Variants in SERPINB10 observed in about 807,000 individuals in gnomAD.
The protein encoded by SERPINB10 is serpin B10.
SERPINB10 carries 35 observed loss-of-function variants against 39.1 expected under a neutral mutation model. That is an observed-to-expected ratio of 0.90 (90% CI 0.68 to 1.19). The LOEUF (loss-of-function observed/expected upper bound fraction) is 1.19. Among genes scored for constraint, SERPINB10 ranks in the 50% most tolerant of loss-of-function variants. The pLI, the probability that SERPINB10 is intolerant of heterozygous loss-of-function variation, is 0.00. For synonymous variants in SERPINB10, 190 were observed against 158.1 expected (o/e 1.20, Z -1.52); for missense variants, 546 against 460.5 (o/e 1.19, Z -1.70).
At chr18:63,925,684 T>C (rs1465181745) in intron 5 of SERPINB10, among the ~76,000 whole-genome samples, 5 of 152,018 alleles carry the variant, frequency 3.3e-5, no homozygotes, top group African/African-American at 1.2e-4. Context: ...GGAAGGCTCT[T>C]TCTCACAGTA....
intron 6 of SERPINB10, 103 bp from the exon 7 acceptor site, chr18:63,932,945 G>A: frequency 1.9e-6 from 2 of 1,076,764 alleles, no homozygotes; most frequent in Non-Finnish European, 2.7e-6. Context: ...AGAATCAGCA[G>A]TTTCACCAAC....
At chr18:63,927,459 A>G (rs1179757018) in intron 5 of SERPINB10, among the ~76,000 whole-genome samples, 2 of 152,082 alleles carry the variant, frequency 1.3e-5, no homozygotes, top group African/African-American at 4.8e-5. Flanking sequence ...GAAGTCCGCA[A>G]TCAAGGTGCC....
intron 5 of SERPINB10, among the ~76,000 whole-genome samples, chr18:63,922,580 G>T (rs929875384): frequency 6.6e-6 from 1 of 151,858 alleles, no homozygotes; most frequent in South Asian, 2.1e-4. Context: ...TGCTAGCTTT[G>T]CATCCTAGCA....
chr18:63,908,634 T>C (rs1251569917), intron 1 of SERPINB10, among the ~76,000 whole-genome samples: 1 of 152,030 alleles, frequency 6.6e-6, no homozygotes, highest in Non-Finnish European at 1.5e-5. Context: ...CCCCACATCA[T>C]ACTAGGTGCT....
Position 63,929,987 on chromosome 18 carries a change from T to G in SERPINB10, c.491-58T>G, listed in dbSNP as rs1296936451. 4.5e-6 allele frequency: 7 copies of G among 1,548,554 alleles called. No individual in the cohort carries two copies. In the Admixed American group the frequency reaches 1.4e-4, roughly 31 times the overall value. ...AGAAAAAATAGAAGCCTGGTTGTCT[T>G]TAGTTAAAATATACATATTTCTACA... is the stretch of plus-strand genomic sequence containing the variant. On this transcript the variant is annotated intron_variant, in intron 5 of 7. Transcript: ENST00000238508.
intron 5 of SERPINB10, among the ~76,000 whole-genome samples, chr18:63,920,327 G>A (rs2050137615): frequency 6.6e-6 from 1 of 152,024 alleles, no homozygotes; most frequent in Admixed American, 6.6e-5. Flanking sequence ...ATCAGTTAGA[G>A]TATGGATTAA....
chr18:63,914,836 A>T lies in SERPINB10; in HGVS notation c.-9-666A>T, dbSNP rs72941733. On this transcript the variant is annotated intron_variant, in intron 1 of 7. Coordinates refer to ENST00000238508, the MANE Select transcript of SERPINB10 (RefSeq NM_005024.3). ...TGCTTCCATTAGAGATGACATTTAGATGTTGAGTATAATATCAAAAAAGAT... is the reference window on the plus strand; with the variant it reads ...TGCTTCCATTAGAGATGACATTTAGTTGTTGAGTATAATATCAAAAAAGAT... Among the ~76,000 whole-genome samples, 674 of 152,110 alleles carry T rather than the reference A, an allele frequency of 4.4e-3. 3 individuals are homozygous for T. The highest frequency in any genetic ancestry group is 5.9e-3 in the Non-Finnish European group (401 of 67,952).
At chr18:63,919,485 C>G (rs970868538) in intron 4 of SERPINB10, among the ~76,000 whole-genome samples, 8 of 151,898 alleles carry the variant, frequency 5.3e-5, no homozygotes, top group Non-Finnish European at 1.5e-5. Flanking sequence ...CCTTTCCATT[C>G]TAGCCTCATT....
At chr18:63,913,033 C>CACGGTCTCAAT (rs1267110244) in intron 1 of SERPINB10, among the ~76,000 whole-genome samples, 92 of 151,968 alleles carry the variant, frequency 6.1e-4, no homozygotes, top group African/African-American at 2.1e-3. Context: ...GGAATTTATT[C>CACGGTCTCAAT]ATTTTCTCTA....
At chr18:63,920,710 G>C (rs1470484656) in intron 5 of SERPINB10, among the ~76,000 whole-genome samples, 1 of 151,936 alleles carries the variant, frequency 6.6e-6, no homozygotes, top group African/African-American at 2.4e-5. Flanking sequence ...AGTGCATTCT[G>C]GTTTGCCTGT....
intron 1 of SERPINB10, among the ~76,000 whole-genome samples, chr18:63,912,930 ATT>A (rs1182326312): frequency 1.3e-5 from 2 of 151,514 alleles, no homozygotes; most frequent in Non-Finnish European, 2.9e-5. Context: ...GGTTGGTAGG[ATT>A]TTATAATTGA....
chr18:63,919,987 T>A, intron 5 of SERPINB10, 82 bp downstream of exon 5: 2 of 745,484 alleles, frequency 2.7e-6, no homozygotes, highest in Middle Eastern at 2.5e-4. Context: ...TATGTAAGTA[T>A]GTATACTCCT....
Position 63,935,065 on chromosome 18 carries a change from G to A in SERPINB10, c.1017G>A (p.Lys339=), listed in dbSNP as rs749476369. 2 of 1,614,148 alleles carry A rather than the reference G, an allele frequency of 1.2e-6. No individual in the cohort carries two copies. Among genetic ancestry groups the A allele is most frequent in the East Asian group, 4.5e-5 (2 of 44,882 alleles). The change falls in exon 8 of 8, where the codon AAG becomes AAA. Residue 339 remains lysine, a synonymous_variant. Coordinates refer to ENST00000238508, the MANE Select transcript of SERPINB10 (RefSeq NM_005024.3). ...TATTTTTGTCCAATGTTTTCCATAA[G>A]GCTTTTGTGGAAATAAATGAACAAG... ...RNLFLSNVFH[K]AFVEINEQGT...
intron 4 of SERPINB10, among the ~76,000 whole-genome samples, chr18:63,918,503 T>C (rs1001386887): frequency 6.6e-6 from 1 of 151,984 alleles, no homozygotes; most frequent in Non-Finnish European, 1.5e-5. Flanking sequence ...TACTAAGGGT[T>C]GAAACCCCAC....
At position 63,925,520 on chromosome 18, in the gene SERPINB10, C is replaced by T. The variant is rs183190451; in HGVS notation, c.491-4525C>T. ...GGAATATGTCAGAAGGACACAGGAG[C>T]CAACAGGGGAGGCTTCCAATGGCAA... is the stretch of plus-strand genomic sequence containing the variant. On this transcript the variant is annotated intron_variant, in intron 5 of 7. Coordinates refer to ENST00000238508, the MANE Select transcript of SERPINB10 (RefSeq NM_005024.3). Among the ~76,000 whole-genome samples, 9 of 152,010 alleles carry T rather than the reference C, an allele frequency of 5.9e-5. No homozygotes were observed. In the East Asian group the frequency reaches 1.7e-3, roughly 30 times the overall value.
chr18:63,921,199 A>T (rs552810807), intron 5 of SERPINB10, among the ~76,000 whole-genome samples: 1 of 152,088 alleles, frequency 6.6e-6, no homozygotes, highest in Admixed American at 6.6e-5. Context: ...ATTTGTCATT[A>T]ATGAATATTA....
chr18:63,919,682 AGT>A, intron 4 of SERPINB10, 104 bp from the exon 5 acceptor site: 1 of 682,756 alleles, frequency 1.5e-6, no homozygotes, highest in Non-Finnish European at 2.5e-6. Flanking sequence ...ATGGTGTGGG[AGT>A]GTGCAATTGC....
At position 63,935,120 on chromosome 18, in the gene SERPINB10, G is replaced by A. The variant is rs182913146; in HGVS notation, c.1072G>A (p.Glu358Lys). The A allele has an allele frequency of 1.9e-6, 3 of 1,613,818 alleles. No homozygotes were observed. In the African/African-American group the frequency reaches 4.0e-5, roughly 22 times the overall value. The change falls in exon 8 of 8, where the codon GAG becomes AAG. Residue 358 changes from glutamate to lysine, a missense_variant. By Grantham distance (56) the Glu-to-Lys change is moderately conservative (BLOSUM62 1). Coordinates refer to ENST00000238508, the MANE Select transcript of SERPINB10 (RefSeq NM_005024.3). ...GTEAAAGSGS[E>K]IDIRIRVPSI... is the part of the protein sequence containing the mutation. The stretch of plus-strand genomic sequence containing the variant: ...TGAAGCTGCAGCTGGCAGTGGGAGT[G>A]AGATAGATATACGAATTAGAGTCCC...
At chr18:63,925,831 AGT>A (rs1468238213) in intron 5 of SERPINB10, among the ~76,000 whole-genome samples, 1 of 151,992 alleles carries the variant, frequency 6.6e-6, no homozygotes, top group African/African-American at 2.4e-5. Flanking sequence ...GATGGGAAAC[AGT>A]ATATTACACG....
Sources: allele counts gnomAD v4.1 joint callset (sites outside exome capture counted in the v4.1 genomes callset), GRCh38; gene constraint gnomAD v4.1.1; transcripts MANE v1.5; gene names NCBI Gene and HGNC (gene_info 2026-07-23, HGNC 2026-07-21).